GPC3: variants seen among roughly 807,000 people sequenced by gnomAD.
The protein encoded by GPC3 is glypican-3.
GPC3 carries 3 observed loss-of-function variants against 34.4 expected under a neutral mutation model. That is an observed-to-expected ratio of 0.09 (90% CI 0.04 to 0.23). The LOEUF is 0.23. Ranked by LOEUF, GPC3 falls within the 10% of genes least tolerant of loss-of-function variation. The pLI is 1.00. For synonymous variants in GPC3, 177 were observed against 174.0 expected, an observed-to-expected ratio of 1.02 and a Z score of -0.13; for missense variants, 351 against 445.6, an observed-to-expected ratio of 0.79 and a Z score of 1.91.
intron 2 of GPC3, among the ~76,000 whole-genome samples, chrX:133,937,536 G>A (rs1197615177): frequency 1.8e-5 from 2 of 110,132 alleles, no homozygotes; most frequent in African/African-American, 6.6e-5. Flanking sequence ...CACCAGCATT[G>A]CTTTGAATGT....
intron 7 of GPC3, among the ~76,000 whole-genome samples, chrX:133,538,929 C>T (rs1368407976): frequency 4.0e-5 from 4 of 100,767 alleles, no homozygotes; most frequent in African/African-American, 1.5e-4. Flanking sequence ...CCATGTTGCC[C>T]AGGCTGGTCT....
intron 5 of GPC3, among the ~76,000 whole-genome samples, chrX:133,682,390 T>C (rs2070953009): frequency 8.9e-6 from 1 of 111,742 alleles, no homozygotes; most frequent in South Asian, 3.8e-4. Flanking sequence ...AAGACTCACA[T>C]TATTTCCCAA....
At chrX:133,642,868 A>G (rs2070497340) in intron 6 of GPC3, among the ~76,000 whole-genome samples, 1 of 111,197 alleles carries the variant, frequency 9.0e-6, no homozygotes, top group Admixed American at 9.5e-5. Context: ...AGTAACCACA[A>G]TTTAAGTTCT....
chrX:133,852,186 A>G (rs914833543), intron 2 of GPC3, among the ~76,000 whole-genome samples: 1 of 111,793 alleles, frequency 8.9e-6, no homozygotes, highest in African/African-American at 3.3e-5. Flanking sequence ...CCAAGTCAAG[A>G]TATTCTACCA....
intron 1 of GPC3, among the ~76,000 whole-genome samples, chrX:133,963,884 A>G (rs1200941742): frequency 9.0e-6 from 1 of 111,638 alleles, no homozygotes; most frequent in Non-Finnish European, 1.9e-5. Flanking sequence ...CCTACTTCCT[A>G]TACATAGTAA....
chrX:133,606,126 C>A (rs1429545103), intron 6 of GPC3, among the ~76,000 whole-genome samples: 1 of 112,218 alleles, frequency 8.9e-6, no homozygotes. Flanking sequence ...AGGAAACAAA[C>A]AAACAATCAA....
chrX:133,672,740 T>A (rs1181471793), intron 5 of GPC3, among the ~76,000 whole-genome samples: 4 of 111,386 alleles, frequency 3.6e-5, no homozygotes, highest in African/African-American at 1.3e-4. Context: ...AAGCTCTGCC[T>A]CCTGGGTTCA....
intron 6 of GPC3, among the ~76,000 whole-genome samples, chrX:133,660,675 T>G (rs972606468): frequency 8.9e-6 from 1 of 111,922 alleles, no homozygotes; most frequent in East Asian, 2.8e-4. Flanking sequence ...GCATTTTAAT[T>G]GCTCATATCC....
intron 2 of GPC3, among the ~76,000 whole-genome samples, chrX:133,840,672 C>A (rs1032742440): frequency 9.0e-6 from 1 of 110,877 alleles, no homozygotes; most frequent in Admixed American, 9.6e-5. Flanking sequence ...CTTTTCCTAT[C>A]CTTTGACAAA....
chrX:133,625,514 C>T (rs1049600209), intron 6 of GPC3, among the ~76,000 whole-genome samples: 1 of 111,669 alleles, frequency 9.0e-6, no homozygotes, highest in Non-Finnish European at 1.9e-5. Flanking sequence ...CATTCTTATA[C>T]ACCAATAACA....
At chrX:133,855,527 C>T (rs1427042371) in intron 2 of GPC3, among the ~76,000 whole-genome samples, 1 of 67,338 alleles carries the variant, frequency 1.5e-5, no homozygotes, top group Non-Finnish European at 2.7e-5. Flanking sequence ...TATGCTGTTA[C>T]AAGATATATA....
At chrX:133,669,882 A>T (rs1225663772) in intron 5 of GPC3, among the ~76,000 whole-genome samples, 4 of 111,997 alleles carry the variant, frequency 3.6e-5, no homozygotes, top group Non-Finnish European at 7.5e-5. Flanking sequence ...TTTAGCACAA[A>T]GATGACTGTC....
intron 3 of GPC3, among the ~76,000 whole-genome samples, chrX:133,745,916 A>C (rs887639733): frequency 5.3e-5 from 6 of 112,365 alleles, no homozygotes; most frequent in African/African-American, 1.9e-4. Context: ...CAGCCTTGGA[A>C]GATAGAGATG....
chrX:133,874,849 C>T (rs987461750), intron 2 of GPC3, among the ~76,000 whole-genome samples: 1 of 112,114 alleles, frequency 8.9e-6, no homozygotes, highest in Non-Finnish European at 1.9e-5. Flanking sequence ...TGGTTCTCTG[C>T]CATTAATTCA....
intron 6 of GPC3, among the ~76,000 whole-genome samples, chrX:133,643,525 C>A (rs767340176): frequency 9.0e-6 from 1 of 111,463 alleles, no homozygotes; most frequent in African/African-American, 3.3e-5. Flanking sequence ...GGGCAGAGTA[C>A]AGAGAGGTAT....
rs760257606 is a variant in GPC3 at position 133,807,160 on chromosome X, C to T, written c.338-52984G>A. Among the ~76,000 whole-genome samples, 369 of 111,095 alleles carry T rather than the reference C, an allele frequency of 3.3e-3. 3 individuals carry two copies. The highest frequency in any genetic ancestry group is 5.5e-3 in the Non-Finnish European group (290 of 52,964). ...GGTGTTTGAGTCATGGGGGGTAGAT[C>T]TCTCATGAATGGCTTGATCCCATCC... On this transcript the variant is annotated intron_variant, in intron 2 of 7. Coordinates refer to ENST00000370818, the MANE Select transcript of GPC3 (RefSeq NM_004484.4).
chrX:133,728,525 C>T (rs2071434096), intron 3 of GPC3, among the ~76,000 whole-genome samples: 1 of 112,494 alleles, frequency 8.9e-6, no homozygotes, highest in South Asian at 3.7e-4. Flanking sequence ...ACACCCCCTA[C>T]TCAATATGTT....
intron 6 of GPC3, among the ~76,000 whole-genome samples, chrX:133,635,112 ATC>A (rs1441091985): frequency 2.7e-5 from 3 of 111,986 alleles, no homozygotes; most frequent in Admixed American, 9.6e-5. Flanking sequence ...CTCTTCTGAA[ATC>A]TCTCTTTTTC....
At chrX:133,738,164 G>A (rs1344215166) in intron 3 of GPC3, among the ~76,000 whole-genome samples, 4 of 111,737 alleles carry the variant, frequency 3.6e-5, no homozygotes, top group Admixed American at 9.5e-5. Context: ...ACAAGGTCTC[G>A]CTATGTTGCC....
Sources: gnomAD v4.1 joint callset for allele counts (sites outside exome capture counted in the v4.1 genomes callset) on GRCh38, gnomAD v4.1.1 for gene constraint, MANE v1.5 for transcripts, NCBI Gene and HGNC (gene_info 2026-07-23, HGNC 2026-07-21) for gene names.